SETBP1: variants seen among roughly 807,000 people sequenced by gnomAD.
SETBP1 encodes SET binding protein 1.
A neutral mutation model predicts 101.0 loss-of-function variants in SETBP1; 9 were observed. That is an observed-to-expected ratio of 0.09 (90% CI 0.05 to 0.16). The LOEUF (loss-of-function observed/expected upper bound fraction) is 0.16. SETBP1 is among the 10% of genes least tolerant of loss of function. The pLI is 1.00. For missense variants in SETBP1, 1,858 were observed against 2,033.8 expected (o/e 0.91, Z 1.66); for synonymous variants, 818 against 788.5 (o/e 1.04, Z -0.63).
At chr18:45,002,301 T>C (rs559627356) in intron 4 of SETBP1, among the ~76,000 whole-genome samples, 1 of 151,838 alleles carries the variant, frequency 6.6e-6, no homozygotes, top group African/African-American at 2.4e-5. Context: ...ATTTTTTTTT[T>C]TTTTTTGTCA....
intron 2 of SETBP1, among the ~76,000 whole-genome samples, chr18:44,851,677 T>A (rs1046963676): frequency 2.6e-5 from 4 of 152,220 alleles, no homozygotes; most frequent in African/African-American, 9.6e-5. Flanking sequence ...TATGCTTTTT[T>A]TTTCTGGATC....
intron 2 of SETBP1, among the ~76,000 whole-genome samples, chr18:44,783,118 T>C (rs1447063398): frequency 1.3e-5 from 2 of 152,204 alleles, no homozygotes; most frequent in Non-Finnish European, 2.9e-5. Flanking sequence ...GTTCTCACTT[T>C]TCCCAAAGTT....
intron 2 of SETBP1, among the ~76,000 whole-genome samples, chr18:44,826,128 A>G (rs1355708804): frequency 1.3e-5 from 2 of 152,240 alleles, no homozygotes; most frequent in Non-Finnish European, 2.9e-5. Context: ...ACAGAGGCCA[A>G]TAGAGTTCAA....
At chr18:44,758,818 A>G (rs1166787205) in intron 2 of SETBP1, among the ~76,000 whole-genome samples, 1 of 152,190 alleles carries the variant, frequency 6.6e-6, no homozygotes, top group African/African-American at 2.4e-5. Context: ...CTTGTGAGAA[A>G]TGACGGACCT....
chr18:44,883,609 G>A (rs1035692046), intron 3 of SETBP1, among the ~76,000 whole-genome samples: 1 of 152,076 alleles, frequency 6.6e-6, no homozygotes, highest in African/African-American at 2.4e-5. Flanking sequence ...GAACAATTAG[G>A]GTCCTTCACT....
chr18:44,846,413 C>G (rs182810287), intron 2 of SETBP1, among the ~76,000 whole-genome samples: 54 of 152,316 alleles, frequency 3.5e-4, no homozygotes, highest in Non-Finnish European at 6.0e-4. Context: ...TACTCATTTT[C>G]CATTCCCTCT....
intron 2 of SETBP1, among the ~76,000 whole-genome samples, chr18:44,726,301 T>G (rs1294726814): frequency 2.0e-5 from 3 of 152,192 alleles, no homozygotes; most frequent in Non-Finnish European, 4.4e-5. Context: ...TTTGTTTTGT[T>G]GTAGTAACTA....
chr18:44,707,443 C>T (rs549195713), intron 2 of SETBP1, among the ~76,000 whole-genome samples: 79 of 152,256 alleles, frequency 5.2e-4, no homozygotes, highest in African/African-American at 1.9e-3. Flanking sequence ...TTTAATTTTT[C>T]CTCCTCTCCA....
At chr18:44,735,147 C>A (rs1305591601) in intron 2 of SETBP1, among the ~76,000 whole-genome samples, 1 of 151,828 alleles carries the variant, frequency 6.6e-6, no homozygotes. Flanking sequence ...GGTATAGATG[C>A]AGAGGATTTA....
intron 3 of SETBP1, chr18:44,876,513 T>A: frequency 7.6e-7 from 1 of 1,312,162 alleles, no homozygotes; most frequent in Non-Finnish European, 1.1e-6. Context: ...GGTCTGGATA[T>A]TGGTATTTTC....
At chr18:44,814,542 T>C (rs1377283280) in intron 2 of SETBP1, among the ~76,000 whole-genome samples, 1 of 152,188 alleles carries the variant, frequency 6.6e-6, no homozygotes, top group Non-Finnish European at 1.5e-5. Context: ...GCCTAGGAAG[T>C]AGGAGCTTCT....
At position 45,038,647 on chromosome 18, in the gene SETBP1, C is replaced by T. The variant is rs1217362969; in HGVS notation, c.4163C>T (p.Ser1388Leu). The change falls in exon 5 of 6, where the codon TCG becomes TTG. Residue 1388 changes from serine (S) to leucine (L), a missense_variant. Ser to Leu is a moderately radical substitution (Grantham distance 145). Coordinates refer to ENST00000649279, the MANE Select transcript of SETBP1 (RefSeq NM_015559.3). ...LSLLAASAAT[S>L]DAVGSSLKKR... The stretch of plus-strand genomic sequence containing the variant: ...CTCCTTGCTGCATCTGCAGCAACGT[C>T]GGATGCAGGTGAGCACTTTTCAGAT... The T allele has an allele frequency of 6.8e-6, 11 of 1,614,058 alleles. No individual in the cohort carries two copies. Among genetic ancestry groups the T allele is most frequent in the South Asian group, 2.2e-5 (2 of 91,078 alleles).
chr18:44,739,960 G>C (rs1473870492), intron 2 of SETBP1, among the ~76,000 whole-genome samples: 1 of 152,190 alleles, frequency 6.6e-6, no homozygotes, highest in African/African-American at 2.4e-5. Flanking sequence ...AGAATAGAAA[G>C]TCTGCCTAGA....
At chr18:44,773,045 C>T (rs540992414) in intron 2 of SETBP1, among the ~76,000 whole-genome samples, 5 of 152,224 alleles carry the variant, frequency 3.3e-5, no homozygotes, top group South Asian at 2.1e-4. Context: ...AGACCAAAGA[C>T]GCTTTGTTCA....
At chr18:44,782,814 G>A (rs1215323444) in intron 2 of SETBP1, among the ~76,000 whole-genome samples, 6 of 152,142 alleles carry the variant, frequency 3.9e-5, no homozygotes, top group African/African-American at 9.7e-5. Flanking sequence ...GAATAGAAAC[G>A]GGCAGAGGAA....
chr18:44,744,644 G>T (rs1483438010), intron 2 of SETBP1, among the ~76,000 whole-genome samples: 1 of 152,202 alleles, frequency 6.6e-6, no homozygotes, highest in Admixed American at 6.5e-5. Flanking sequence ...CTGGCGCGAC[G>T]ACTGCTGGAA....
intron 2 of SETBP1, among the ~76,000 whole-genome samples, chr18:44,728,999 C>T (rs1450291540): frequency 6.6e-6 from 1 of 152,170 alleles, no homozygotes; most frequent in African/African-American, 2.4e-5. Flanking sequence ...ATGTGTATTT[C>T]AAGTAGTCTC....
chr18:44,690,108 G>T (rs562217335), intron 1 of SETBP1, among the ~76,000 whole-genome samples: 2 of 152,290 alleles, frequency 1.3e-5, no homozygotes, highest in South Asian at 4.1e-4. Context: ...TTGTATATAA[G>T]CATTTGGAAT....
rs35610551 is a variant in SETBP1, at chr18:44,709,812, AT to A, written c.486+8000del. On this transcript the variant is annotated intron_variant, in intron 2 of 5. Coordinates refer to ENST00000649279, the MANE Select transcript of SETBP1 (RefSeq NM_015559.3). ...CTATTAGTTGAGCATATCACTAATG[AT>A]TTTTTTTTTTTTTTTTTTTGGTGTT... Among the ~76,000 whole-genome samples the A allele has an allele frequency of 3.4e-3, 419 of 121,562 alleles. 2 individuals are homozygous for A. The highest frequency in any genetic ancestry group is 5.6e-3 in the African/African-American group (177 of 31,464). 79.7% of individuals were successfully genotyped at this position (121,562 alleles called of 152,430 possible). A position where few individuals can be genotyped will look rare whatever the true frequency, so the allele number is the denominator to read the frequency against.
Sources: allele counts gnomAD v4.1 joint callset (sites outside exome capture counted in the v4.1 genomes callset), GRCh38; gene constraint gnomAD v4.1.1; transcripts MANE v1.5; gene names NCBI Gene and HGNC (gene_info 2026-07-23, HGNC 2026-07-21).